Variants in PDLIM3 observed in about 807,000 individuals in gnomAD.
The protein encoded by PDLIM3 is PDZ and LIM domain 3.
Under a neutral mutation model 37.3 loss-of-function variants are expected in PDLIM3, and 36 were observed. That is an observed-to-expected ratio of 0.97 (90% CI 0.74 to 1.28). The LOEUF is 1.28. Among genes scored for constraint, PDLIM3 ranks in the 50% most tolerant of loss-of-function variants. The pLI is 0.00. For synonymous variants in PDLIM3, 174 were observed against 182.4 expected (o/e 0.95, Z 0.37); for missense variants, 454 against 485.0 (o/e 0.94, Z 0.60).
Position 185,504,737 on chromosome 4 carries a change from G to C in PDLIM3, c.794-151C>G. ...GACTGATGCAATCATAAGGGACGCTGTTCTGAAATAGGGCATTATAGAATG... is the reference window on the plus strand; with the variant it reads ...GACTGATGCAATCATAAGGGACGCTCTTCTGAAATAGGGCATTATAGAATG... On this transcript the variant is annotated intron_variant, in intron 6 of 7. Coordinates refer to ENST00000284767, the MANE Select transcript of PDLIM3 (RefSeq NM_014476.6). This position sits in a 1 kb window ranked among gnomAD's most constrained non-coding sequence, Gnocchi z 4.7. 1 of 680,244 alleles carries C rather than the reference G, an allele frequency of 1.5e-6. No individual in the cohort carries two copies. The highest frequency in any genetic ancestry group is 1.6e-5 in the South Asian group (1 of 63,924). The allele number at this position is 680,244 out of a possible 1,614,324, so 42.1% of individuals were successfully genotyped here.
chr4:185,506,418 C>T (rs768210307), intron 6 of PDLIM3, 104 bp downstream of exon 6: 8 of 1,494,244 alleles, frequency 5.4e-6, no homozygotes, highest in South Asian at 1.1e-5. Context: ...CCAATGAAAA[C>T]CAAGTTTTAG....
At chr4:185,528,932 A>G (rs1243488464) in intron 1 of PDLIM3, among the ~76,000 whole-genome samples, 1 of 152,178 alleles carries the variant, frequency 6.6e-6, no homozygotes, top group East Asian at 1.9e-4. Context: ...TTATTGCATT[A>G]TTATATTCTT....
chr4:185,508,496 A>G lies in PDLIM3; in HGVS notation c.465T>C (p.Thr155=), dbSNP rs2095701642. Residue 155 remains threonine (T), a synonymous_variant, in exon 5 of 8, where the codon ACT becomes ACC. Coordinates refer to ENST00000284767, the MANE Select transcript of PDLIM3 (RefSeq NM_014476.6). ...SGRSTPSSVS[T]VSTICPGDLK... ...AGTCACCTGGGCAAATGGTACTAACAGTACTGACAGAAGAAGGGGTGCTGC... is the reference window on the plus strand; with the variant it reads ...AGTCACCTGGGCAAATGGTACTAACGGTACTGACAGAAGAAGGGGTGCTGC... 6.2e-6 allele frequency: 10 copies of G among 1,614,226 alleles called. No individual in the cohort carries two copies. Among genetic ancestry groups the G allele is most frequent in the Non-Finnish European group, 7.6e-6 (9 of 1,180,024 alleles).
In PDLIM3 at chr4:185,501,609, A is replaced by T. The variant is rs531387220; in HGVS notation, c.*685T>A. Reference sequence around the variant, plus strand: ...CTATCATCAGAAATTTTGTGCTCATAAGAAAGAGTAATGAGTTATAAAACC... The same window carrying T: ...CTATCATCAGAAATTTTGTGCTCATTAGAAAGAGTAATGAGTTATAAAACC... On this transcript the variant is annotated 3_prime_UTR_variant, in exon 8 of 8. Transcript: ENST00000284767. The T allele has an allele frequency of 6.6e-6, 1 of 152,506 alleles. No individual in the cohort carries two copies. The highest frequency in any genetic ancestry group is 1.5e-5 in the Non-Finnish European group (1 of 68,158). 9.4% of individuals were successfully genotyped at this position (152,506 alleles called of 1,614,324 possible).
intron 3 of PDLIM3, among the ~76,000 whole-genome samples, chr4:185,518,714 G>C (rs988250860): frequency 6.6e-6 from 1 of 152,028 alleles, no homozygotes; most frequent in African/African-American, 2.4e-5. Flanking sequence ...TCTCTCACTG[G>C]GAAGAGCTTG....
chr4:185,531,285 C>T (rs1368614628), intron 1 of PDLIM3, among the ~76,000 whole-genome samples: 2 of 5,908 alleles, frequency 3.4e-4, no homozygotes, highest in Non-Finnish European at 7.7e-4. Context: ...GCCAGTTATA[C>T]ACGGTGTTTA....
intron 1 of PDLIM3, among the ~76,000 whole-genome samples, chr4:185,533,396 T>C (rs932457512): frequency 3.3e-5 from 5 of 152,200 alleles, no homozygotes; most frequent in Admixed American, 6.5e-5. Flanking sequence ...AATTAGGTGT[T>C]CACTAAAGCA....
intron 3 of PDLIM3, among the ~76,000 whole-genome samples, chr4:185,519,156 T>C (rs1260762416): frequency 6.6e-6 from 1 of 152,228 alleles, no homozygotes; most frequent in Non-Finnish European, 1.5e-5. Flanking sequence ...TGTTCAGGAT[T>C]GCATGGAAGG....
At chr4:185,506,769 G>A in intron 5 of PDLIM3, 117 bp from the exon 6 acceptor site, 1 of 887,772 alleles carries the variant, frequency 1.1e-6, no homozygotes, top group Admixed American at 2.1e-5. Flanking sequence ...CTGAACAGAG[G>A]TCTAGTATTT....
chr4:185,523,743 C>T (rs1170307054), intron 2 of PDLIM3, among the ~76,000 whole-genome samples: 7 of 151,632 alleles, frequency 4.6e-5, no homozygotes, highest in Non-Finnish European at 8.8e-5. Flanking sequence ...CTCAGCTTCC[C>T]GAGTAGCTGG....
intron 3 of PDLIM3, chr4:185,517,647 A>G (rs2095716956): frequency 6.6e-6 from 1 of 151,840 alleles, no homozygotes; most frequent in South Asian, 2.1e-4. Flanking sequence ...TTGGTTACAC[A>G]TATATTGCAA....
intron 7 of PDLIM3, among the ~76,000 whole-genome samples, chr4:185,503,261 C>A (rs1370694092): frequency 6.6e-6 from 1 of 151,950 alleles, no homozygotes; most frequent in Non-Finnish European, 1.5e-5. Context: ...CAAAACAAAA[C>A]AAAAAACCAG....
At position 185,523,308 on chromosome 4, in the gene PDLIM3, T is replaced by A. The variant is rs1415843619; in HGVS notation, c.330+54A>T. ...TGTCTCTTCCTCCCCTTGGAAGGCATCCCCATGATTTAAAAGGAAATACAA... is the reference window on the plus strand; with the variant it reads ...TGTCTCTTCCTCCCCTTGGAAGGCAACCCCATGATTTAAAAGGAAATACAA... On this transcript the variant is annotated intron_variant, in intron 3 of 7. Coordinates refer to ENST00000284767, the MANE Select transcript of PDLIM3 (RefSeq NM_014476.6). 8.8e-6 allele frequency: 11 copies of A among 1,243,494 alleles called. No individual in the cohort carries two copies. The Admixed American group carries it at 1.0e-4, about 12-fold the overall frequency. The allele number at this position is 1,243,494 out of a possible 1,614,324, so 77.0% of individuals were successfully genotyped here. A position where few individuals can be genotyped will look rare whatever the true frequency, so the allele number is the denominator to read the frequency against.
At chr4:185,512,090 A>C (rs2095707492) in intron 4 of PDLIM3, 5 of 105,710 alleles carry the variant, frequency 4.7e-5, no homozygotes, top group African/African-American at 1.6e-4. Context: ...CACTCTTATA[A>C]TTCTTTTTTT....
intron 1 of PDLIM3, among the ~76,000 whole-genome samples, chr4:185,526,287 G>A (rs1017145440): frequency 2.6e-5 from 4 of 152,184 alleles, no homozygotes; most frequent in African/African-American, 4.8e-5. Context: ...TCTTCTCCAC[G>A]AATGAAGGAC....
rs2095712101 is a variant in PDLIM3 at position 185,514,695 on chromosome 4, A to G, written c.331-358T>C. On this transcript the variant is annotated intron_variant, in intron 3 of 7. Transcript: ENST00000284767. This position sits in a 1 kb window ranked among gnomAD's most constrained non-coding sequence, Gnocchi z 4.0. ...TACACTGTGGCCAGAACAGAGCCGG[A>G]TACTTACTTTTGAGGTGAGCTAGGA... 1 of 1,551,276 alleles carries G rather than the reference A, an allele frequency of 6.4e-7. No individual in the cohort carries two copies. Among genetic ancestry groups the G allele is most frequent in the Non-Finnish European group, 8.7e-7 (1 of 1,146,600 alleles).
At chr4:185,502,589 G>T in intron 7 of PDLIM3, 106 bp from the exon 8 acceptor site, 1 of 997,896 alleles carries the variant, frequency 1.0e-6, no homozygotes, top group Non-Finnish European at 1.6e-6. Flanking sequence ...TTCACAGTCA[G>T]GAAACAATGG....
At chr4:185,529,795 GA>G (rs2095740758) in intron 1 of PDLIM3, among the ~76,000 whole-genome samples, 1 of 152,152 alleles carries the variant, frequency 6.6e-6, no homozygotes, top group Non-Finnish European at 1.5e-5. Flanking sequence ...TTTAAAATGA[GA>G]AAATGGATGC....
At position 185,504,521 on chromosome 4, in the gene PDLIM3, C is replaced by T. The variant is rs753475862; in HGVS notation, c.859G>A (p.Gly287Arg). The change falls in exon 7 of 8, where the codon GGG becomes AGG. Residue 287 changes from glycine to arginine, a missense_variant. Gly to Arg is a moderately radical substitution (Grantham distance 125). Coordinates refer to ENST00000284767, the MANE Select transcript of PDLIM3 (RefSeq NM_014476.6). The surrounding 1 kb of genome is among the most constrained non-coding windows in gnomAD (Gnocchi z 4.7). Reference sequence around the variant, plus strand: ...TCACAGAGCGGCATCCTCTGTGCCCCGCCTGAACCGCCATGGACTTTCGTC... The same window carrying T: ...TCACAGAGCGGCATCCTCTGTGCCCTGCCTGAACCGCCATGGACTTTCGTC... ...PVTKVHGGSG[G>R]AQRMPLCDKC... The T allele has an allele frequency of 8.1e-6, 13 of 1,614,036 alleles. No individual in the cohort carries two copies. Among genetic ancestry groups the T allele is most frequent in the Middle Eastern group, 3.3e-4 (2 of 6,084 alleles).
Sources: gnomAD v4.1 joint callset for allele counts (sites outside exome capture counted in the v4.1 genomes callset) on GRCh38, gnomAD v4.1.1 for gene constraint, Gnocchi (gnomAD v3.1) non-coding constraint, MANE v1.5 for transcripts, NCBI Gene and HGNC (gene_info 2026-07-23, HGNC 2026-07-21) for gene names.